The following SPPL2B variants were observed in gnomAD, a reference collection of about 807,000 sequenced individuals.
The protein encoded by SPPL2B is signal peptide peptidase like 2B.
Under a neutral mutation model 59.7 loss-of-function variants are expected in SPPL2B, and 39 were observed. The ratio of observed to expected loss-of-function variants is 0.65; its 90% CI spans 0.51 to 0.85. The LOEUF (loss-of-function observed/expected upper bound fraction) is 0.85, where lower values mean the gene tolerates loss of function less well. SPPL2B is among the 40% of genes least tolerant of loss of function. The probability of loss-of-function intolerance (pLI) is 0.00; values close to 1 mark genes in which losing one functional copy is unlikely to be tolerated. For missense variants in SPPL2B, 865 were observed against 849.0 expected (o/e 1.02, Z -0.23); for synonymous variants, 419 against 370.8 (o/e 1.13, Z -1.49).
chr19:2,337,708 C>A, intron 3 of SPPL2B, 83 bp downstream of exon 3: 1 of 1,358,556 alleles, frequency 7.4e-7, no homozygotes, highest in Non-Finnish European at 9.8e-7. Context: ...GCAGCTGGGG[C>A]TGGTCTTCCG....
chr19:2,338,535 T>A, intron 3 of SPPL2B: 1 of 519,512 alleles, frequency 1.9e-6, no homozygotes, highest in Non-Finnish European at 3.4e-6. Flanking sequence ...GGGGCCCTGT[T>A]GTCAGGTGAA....
intron 14 of SPPL2B, among the ~76,000 whole-genome samples, chr19:2,352,675 G>A (rs1276458099): frequency 1.3e-5 from 2 of 152,068 alleles, no homozygotes; most frequent in Non-Finnish European, 2.9e-5. Flanking sequence ...GCGAGAGACG[G>A]TAGTCCAGGC....
chr19:2,350,020 C>T (rs1187944791), intron 13 of SPPL2B, among the ~76,000 whole-genome samples: 1 of 150,224 alleles, frequency 6.7e-6, no homozygotes, highest in African/African-American at 2.5e-5. Flanking sequence ...TCCCTCGACA[C>T]ACACTCGCTC....
At chr19:2,345,531 C>A (rs1313011529) in intron 13 of SPPL2B, among the ~76,000 whole-genome samples, 2 of 152,042 alleles carry the variant, frequency 1.3e-5, no homozygotes, top group Non-Finnish European at 2.9e-5. Flanking sequence ...GTGCCTGCAT[C>A]CCCCTCTTTC....
intron 12 of SPPL2B, 133 bp from the exon 13 acceptor site, chr19:2,345,120 G>A (rs893551742): frequency 1.5e-5 from 10 of 669,550 alleles, no homozygotes; most frequent in Non-Finnish European, 2.6e-5. Context: ...GCCTGTCTGT[G>A]AAATGACAGC....
At chr19:2,340,535 T>C in intron 7 of SPPL2B, 1 of 582,064 alleles carries the variant, frequency 1.7e-6, no homozygotes, top group Non-Finnish European at 3.1e-6. Flanking sequence ...CTGGGGGGTC[T>C]CCAACAAAGT....
intron 4 of SPPL2B, 77 bp from the exon 5 acceptor site, chr19:2,338,992 C>A: frequency 6.6e-7 from 1 of 1,508,534 alleles, no homozygotes; most frequent in South Asian, 1.2e-5. Context: ...GCCCCAGCCC[C>A]ACAGCCCACA....
intron 2 of SPPL2B, among the ~76,000 whole-genome samples, chr19:2,335,984 GGT>G (rs757644277): frequency 1.3e-5 from 2 of 148,732 alleles, no homozygotes; most frequent in Non-Finnish European, 3.0e-5. Context: ...TGAACACATA[GGT>G]GTGTGTCAAC....
At chr19:2,345,394 T>G in intron 13 of SPPL2B, 64 bp downstream of exon 13, 6 of 1,422,104 alleles carry the variant, frequency 4.2e-6, no homozygotes, top group Non-Finnish European at 5.0e-6. Flanking sequence ...ACTTAGCCTC[T>G]GTCCTGACCC....
In SPPL2B at chr19:2,354,085, G is replaced by C. The variant is rs1243923582; in HGVS notation, c.*876G>C. 6.6e-6 allele frequency: 1 copy of C among 152,264 alleles called. No homozygotes were observed. Among genetic ancestry groups the C allele is most frequent in the Non-Finnish European group, 1.5e-5 (1 of 68,084 alleles). The allele number at this position is 152,264 out of a possible 1,614,324, so 9.4% of individuals were successfully genotyped here. A position where few individuals can be genotyped will look rare whatever the true frequency, so the allele number is the denominator to read the frequency against. On this transcript the variant is annotated 3_prime_UTR_variant, in exon 15 of 15. Transcript: ENST00000613503. ...GTCGTGGGAGGTCCTGGTAGCTCCC[G>C]GCACCCAACCTCGCTTCCCGTGTGG...
At chr19:2,344,776 G>A in intron 12 of SPPL2B, 124 bp downstream of exon 12, 1 of 708,520 alleles carries the variant, frequency 1.4e-6, no homozygotes, top group Non-Finnish European at 2.5e-6. Flanking sequence ...GAGGGTCAGA[G>A]TCGGGCAGGT....
At chr19:2,336,566 G>A (rs1968629204) in intron 2 of SPPL2B, among the ~76,000 whole-genome samples, 1 of 152,048 alleles carries the variant, frequency 6.6e-6, no homozygotes, top group Admixed American at 6.5e-5. Context: ...TAATAGGTGT[G>A]TGTGCGTGAG....
chr19:2,339,679 G>A lies in SPPL2B; in HGVS notation c.600-145G>A, dbSNP rs1238898568. 1.6e-5 allele frequency: 14 copies of A among 894,310 alleles called. No individual in the cohort carries two copies. In the Admixed American group the frequency reaches 1.8e-4, roughly 12 times the overall value. 55.4% of individuals were successfully genotyped at this position (894,310 alleles called of 1,614,324 possible). A position where few individuals can be genotyped will look rare whatever the true frequency, so the allele number is the denominator to read the frequency against. On this transcript the variant is annotated intron_variant, in intron 5 of 14. Transcript: ENST00000613503. ...GGTCTCCTCTGCCCTGGGGACGTTC[G>A]GGGCGGTTCCTTGCACTTCAGTCCC...
At chr19:2,331,656 G>GAGAGAAGC (rs1968300417) in intron 1 of SPPL2B, among the ~76,000 whole-genome samples, 1 of 152,188 alleles carries the variant, frequency 6.6e-6, no homozygotes, top group Non-Finnish European at 1.5e-5. Context: ...GACCCTTTTA[G>GAGAGAAGC]AGAGAAGCAG....
chr19:2,352,068 C>T (rs926413938), intron 14 of SPPL2B, among the ~76,000 whole-genome samples: 1 of 152,208 alleles, frequency 6.6e-6, no homozygotes, highest in African/African-American at 2.4e-5. Context: ...AGCCCTGTCC[C>T]CTGTCCCCCT....
At chr19:2,346,082 G>T (rs980678663) in intron 13 of SPPL2B, among the ~76,000 whole-genome samples, 3 of 151,930 alleles carry the variant, frequency 2.0e-5, no homozygotes, top group Non-Finnish European at 4.4e-5. Flanking sequence ...ACGTATTTAC[G>T]CAAAGTGCTG....
rs200443204 is a variant in SPPL2B, at chr19:2,344,417, G to A, written c.1169G>A (p.Arg390His). The change falls in exon 11 of 15, where the codon CGT (arginine) becomes CAT (histidine). Residue 390 changes from arginine to histidine, a missense_variant. By Grantham distance (29) the Arg-to-His change is conservative. Coordinates refer to ENST00000613503, the MANE Select transcript of SPPL2B (RefSeq NM_152988.3). The part of the protein sequence containing the change: ...VATGPSDSAT[R>H]EKLPMVLKVP... ...ACTGGGCCCTCGGACTCAGCCACCC[G>A]TGAGAAGGTGTGTCTTCTGACTGCA... The A allele has an allele frequency of 2.6e-4, 376 of 1,450,844 alleles. No individual in the cohort carries two copies. Among genetic ancestry groups the A allele is most frequent in the Admixed American group, 9.7e-4 (48 of 49,264 alleles). The allele number at this position is 1,450,844 out of a possible 1,614,324, so 89.9% of individuals were successfully genotyped here. A position where few individuals can be genotyped will look rare whatever the true frequency, so the allele number is the denominator to read the frequency against.
chr19:2,343,411 G>C, intron 9 of SPPL2B, 119 bp downstream of exon 9: 1 of 862,368 alleles, frequency 1.2e-6, no homozygotes, highest in Non-Finnish European at 1.9e-6. Flanking sequence ...CTGCCCTGGG[G>C]ATGGCCGCCT....
At chr19:2,348,742 G>A (rs1312181244) in intron 13 of SPPL2B, among the ~76,000 whole-genome samples, 29 of 112,900 alleles carry the variant, frequency 2.6e-4, no homozygotes, top group African/African-American at 4.6e-4. Context: ...GCTTGATTCC[G>A]TTCTCTCTCT....
Sources: allele counts gnomAD v4.1 joint callset (sites outside exome capture counted in the v4.1 genomes callset), GRCh38; gene constraint gnomAD v4.1.1; transcripts MANE v1.5; gene names NCBI Gene and HGNC (gene_info 2026-07-23, HGNC 2026-07-21).